FANCI: variants seen among roughly 807,000 people sequenced by gnomAD.
FANCI encodes FA complementation group I.
Under a neutral mutation model 176.1 loss-of-function variants are expected in FANCI, and 156 were observed. The ratio of observed to expected loss-of-function variants is 0.89; its 90% CI spans 0.78 to 1.01. FANCI has a LOEUF of 1.01. FANCI is among the 50% of genes least tolerant of loss of function. FANCI has a pLI of 0.00. For synonymous variants in FANCI, 613 were observed against 541.7 expected (o/e 1.13, Z -1.83); for missense variants, 1,678 against 1,534.1 (o/e 1.09, Z -1.57).
In FANCI at chr15:89,312,988, T is replaced by A. The variant is rs1309877578; in HGVS notation, c.3720+16T>A. 12 of 1,613,246 alleles carry A rather than the reference T, an allele frequency of 7.4e-6. No homozygotes were observed. The highest frequency in any genetic ancestry group is 9.3e-6 in the Non-Finnish European group (11 of 1,179,310). On this transcript the variant is annotated intron_variant, in intron 35 of 37. Coordinates refer to ENST00000310775, the MANE Select transcript of FANCI (RefSeq NM_001113378.2). ...CACAGCCATGGTAAGCTGCTGACAC[T>A]GACCGTTAAAATATGCTTGTTGGTG... is the stretch of plus-strand genomic sequence containing the variant.
Position 89,263,762 on chromosome 15 carries a change from A to G in FANCI, c.546-141A>G, listed in dbSNP as rs1325348430. 1.4e-5 allele frequency: 14 copies of G among 1,009,856 alleles called. No homozygotes were observed. The East Asian group carries it at 3.4e-4, about 24-fold the overall frequency. 62.6% of individuals were successfully genotyped at this position (1,009,856 alleles called of 1,614,324 possible). A position where few individuals can be genotyped will look rare whatever the true frequency, so the allele number is the denominator to read the frequency against. On this transcript the variant is annotated intron_variant, in intron 7 of 37. Coordinates refer to ENST00000310775, the MANE Select transcript of FANCI (RefSeq NM_001113378.2). The stretch of plus-strand genomic sequence containing the variant: ...AAAGGGACAGTTATAATAATCTATT[A>G]TCTCTTTAATTCTCTGCTCCCAAGT...
intron 9 of FANCI, 76 bp downstream of exon 9, chr15:89,264,683 T>G: frequency 1.5e-6 from 2 of 1,348,292 alleles, no homozygotes; most frequent in South Asian, 2.4e-5. Flanking sequence ...CTATTTCATT[T>G]TCTTCTCTCT....
At chr15:89,251,348 G>A (rs74033566) in intron 2 of FANCI, among the ~76,000 whole-genome samples, 5,314 of 152,304 alleles carry the variant, frequency 0.035, 299 homozygotes, top group African/African-American at 0.12. Context: ...ACCAGGCCCA[G>A]ATAGATTGGC....
At chr15:89,264,942 G>C (rs2052875753) in intron 9 of FANCI, among the ~76,000 whole-genome samples, 1 of 152,178 alleles carries the variant, frequency 6.6e-6, no homozygotes. Context: ...CAATTTTAGT[G>C]AGAAGAGGAA....
chr15:89,293,647 C>G (rs2054148310), intron 22 of FANCI, among the ~76,000 whole-genome samples, 186 bp from the exon 23 acceptor site: 1 of 152,104 alleles, frequency 6.6e-6, no homozygotes, highest in Non-Finnish European at 1.5e-5. Context: ...AAGGTCACAC[C>G]AGGGGAAACA....
At chr15:89,315,802 T>C (rs138769208) in intron 37 of FANCI, among the ~76,000 whole-genome samples, 43 of 152,314 alleles carry the variant, frequency 2.8e-4, no homozygotes, top group Middle Eastern at 3.4e-3. Context: ...CTTGTCCTTT[T>C]CCCTTGTGGT....
chr15:89,284,979 TG>T (rs1277384203), intron 17 of FANCI, 116 bp from the exon 18 acceptor site: 2 of 1,134,576 alleles, frequency 1.8e-6, no homozygotes, highest in Non-Finnish European at 2.7e-6. Flanking sequence ...GTCTCACCCC[TG>T]GGGTTTGGCA....
intron 28 of FANCI, among the ~76,000 whole-genome samples, chr15:89,304,807 A>G (rs892459406): frequency 6.8e-6 from 1 of 147,532 alleles, no homozygotes; most frequent in Non-Finnish European, 1.5e-5. Flanking sequence ...ACAGAGTTTC[A>G]CTCTTGTTGC....
At chr15:89,297,508 C>T (rs1445730399) in intron 24 of FANCI, among the ~76,000 whole-genome samples, 6 of 152,062 alleles carry the variant, frequency 3.9e-5, no homozygotes, top group Non-Finnish European at 5.9e-5. Context: ...TCTGCAATCC[C>T]GGCACCTCGG....
chr15:89,289,013 GTTTT>G (rs543342512), intron 18 of FANCI, among the ~76,000 whole-genome samples: 4 of 145,058 alleles, frequency 2.8e-5, no homozygotes, highest in African/African-American at 7.6e-5. Flanking sequence ...TTTCTTTGAG[GTTTT>G]TTTTTTTATG....
chr15:89,313,412 A>G (rs566130328), intron 35 of FANCI, among the ~76,000 whole-genome samples: 74 of 152,346 alleles, frequency 4.9e-4, no homozygotes, highest in African/African-American at 1.7e-3. Flanking sequence ...CTCTGAACCA[A>G]AAACATGTTT....
At chr15:89,286,287 C>T (rs2053814290) in intron 18 of FANCI, among the ~76,000 whole-genome samples, 1 of 152,232 alleles carries the variant, frequency 6.6e-6, no homozygotes, top group Non-Finnish European at 1.5e-5. Flanking sequence ...GCCACCATGC[C>T]TGGCCTAACT....
chr15:89,313,878 C>T (rs2055065841), intron 35 of FANCI, among the ~76,000 whole-genome samples: 1 of 149,602 alleles, frequency 6.7e-6, no homozygotes, highest in African/African-American at 2.5e-5. Context: ...AAAATTTGTA[C>T]AGTATCCTCA....
intron 18 of FANCI, among the ~76,000 whole-genome samples, chr15:89,289,356 G>A (rs1039472792): frequency 1.3e-5 from 2 of 151,992 alleles, no homozygotes; most frequent in African/African-American, 4.8e-5. Flanking sequence ...GGAATGCAGT[G>A]GTGCGGTCTC....
chr15:89,296,803 G>A (rs1166050784), intron 24 of FANCI, among the ~76,000 whole-genome samples: 1 of 148,490 alleles, frequency 6.7e-6, no homozygotes, highest in East Asian at 2.1e-4. Flanking sequence ...TGGCCAGGTG[G>A]GGGGCTGACC....
intron 32 of FANCI, among the ~76,000 whole-genome samples, chr15:89,306,868 T>TA (rs1289904479): frequency 3.3e-5 from 5 of 152,230 alleles, no homozygotes; most frequent in Admixed American, 3.3e-4. Flanking sequence ...ATACCATTTC[T>TA]AACCAGTCTG....
At chr15:89,304,471 T>C (rs1047372101) in intron 28 of FANCI, among the ~76,000 whole-genome samples, 1 of 152,214 alleles carries the variant, frequency 6.6e-6, no homozygotes, top group African/African-American at 2.4e-5. Flanking sequence ...AATTTATCTG[T>C]GATGTTAGAA....
At chr15:89,312,483 CCA>C (rs1430723657) in intron 34 of FANCI, among the ~76,000 whole-genome samples, 5 of 152,186 alleles carry the variant, frequency 3.3e-5, no homozygotes, top group African/African-American at 1.2e-4. Context: ...CCTGTTTACT[CCA>C]GACTTGGTCC....
intron 14 of FANCI, 38 bp from the exon 15 acceptor site, chr15:89,281,132 G>A (rs770567081): frequency 1.2e-6 from 2 of 1,603,754 alleles, no homozygotes; most frequent in African/African-American, 1.3e-5. Flanking sequence ...GTTATCTTTA[G>A]TTATTTGAGA....
Sources: gnomAD v4.1 joint callset for allele counts (sites outside exome capture counted in the v4.1 genomes callset) on GRCh38, gnomAD v4.1.1 for gene constraint, MANE v1.5 for transcripts, NCBI Gene and HGNC (gene_info 2026-07-23, HGNC 2026-07-21) for gene names.